Variants in LRRC49 observed in about 807,000 individuals in gnomAD.
LRRC49 encodes the protein leucine rich repeat containing 49.
Under a neutral mutation model 83.3 loss-of-function variants are expected in LRRC49, and 50 were observed. The ratio of observed to expected loss-of-function variants is 0.60; its 90% CI spans 0.48 to 0.76. The LOEUF (loss-of-function observed/expected upper bound fraction) is 0.76. Ranked by LOEUF, LRRC49 falls within the 30% of genes least tolerant of loss-of-function variation. The probability of loss-of-function intolerance (pLI) is 0.00; values close to 1 mark genes in which losing one functional copy is unlikely to be tolerated. For synonymous variants in LRRC49, 286 were observed against 283.3 expected (o/e 1.01, Z -0.10); for missense variants, 704 against 809.1 (o/e 0.87, Z 1.58).
intron 8 of LRRC49, among the ~76,000 whole-genome samples, chr15:70,953,500 T>G (rs1230612598): frequency 6.6e-6 from 1 of 152,238 alleles, no homozygotes; most frequent in Non-Finnish European, 1.5e-5. Flanking sequence ...AAAGGTCCAT[T>G]GTTAACCTGA....
At chr15:71,039,868 T>G (rs2039644597) in intron 15 of LRRC49, among the ~76,000 whole-genome samples, 1 of 152,216 alleles carries the variant, frequency 6.6e-6, no homozygotes, top group African/African-American at 2.4e-5. Flanking sequence ...TTCTAATGAT[T>G]TTAAAATTGT....
intron 7 of LRRC49, among the ~76,000 whole-genome samples, chr15:70,922,436 A>T (rs903691015): frequency 1.3e-5 from 2 of 152,154 alleles, no homozygotes; most frequent in Non-Finnish European, 2.9e-5. Context: ...AAAAACACAT[A>T]TCGCATGTTC....
chr15:70,860,219 A>G lies in LRRC49; in HGVS notation c.-299+6750A>G, dbSNP rs1040468624. On this transcript the variant is annotated intron_variant, in intron 1 of 16. Coordinates refer to the LRRC49 transcript ENST00000544974. ...TCCTGCGGCTGCCCCAGGGCCCTGG[A>G]GGAGGCCGCTGTGCATGGTATCACA... is the stretch of plus-strand genomic sequence containing the variant. 3.4e-4 allele frequency: 215 copies of G among 634,964 alleles called. No homozygotes were observed. In the African/African-American group the frequency reaches 3.6e-3, roughly 10 times the overall value. 39.3% of individuals were successfully genotyped at this position (634,964 alleles called of 1,614,324 possible). A position where few individuals can be genotyped will look rare whatever the true frequency, so the allele number is the denominator to read the frequency against.
chr15:70,905,192 A>AACATTACATCCTATATGAACT (rs1231308199), intron 5 of LRRC49, among the ~76,000 whole-genome samples: 2 of 152,224 alleles, frequency 1.3e-5, no homozygotes, highest in African/African-American at 2.4e-5. Context: ...GTTTGTATCT[A>AACATTACATCCTATATGAACT]ACATTACATC....
At position 70,954,317 on chromosome 15, in the gene LRRC49, T is replaced by C. The variant is rs79153490; in HGVS notation, c.774-9468T>C. On this transcript the variant is annotated intron_variant, in intron 8 of 15. Coordinates refer to ENST00000260382, the MANE Select transcript of LRRC49 (RefSeq NM_017691.5). ...TTTGGTCTTTTTTTAAATGGTTATG[T>C]CATCTTTCAACTGTTGGGTTGTTTT... 5.4e-3 allele frequency among the ~76,000 whole-genome samples: 824 copies of C among 152,344 alleles called. 9 individuals are homozygous for C. Among genetic ancestry groups the C allele is most frequent in the African/African-American group, 0.019 (794 of 41,578 alleles).
chr15:71,049,586 C>T lies in LRRC49; in HGVS notation c.2035C>T (p.Leu679=). The T allele has an allele frequency of 6.2e-7, 1 of 1,611,994 alleles. No individual in the cohort carries two copies. Among genetic ancestry groups the T allele is most frequent in the Non-Finnish European group, 8.5e-7 (1 of 1,179,390 alleles). Residue 679 remains leucine (L), a synonymous_variant, in exon 16 of 16, where the codon CTA becomes TTA. Transcript: ENST00000260382. ...RNKNSYMKLC[L]QQITDQK is the part of the protein sequence containing the mutation. ...TAAAAATTCCTATATGAAGCTCTGCCTACAGCAGATAACAGACCAAAAATA... is the reference window on the plus strand; with the variant it reads ...TAAAAATTCCTATATGAAGCTCTGCTTACAGCAGATAACAGACCAAAAATA...
chr15:70,871,403 T>TC (rs891953444), intron 1 of LRRC49, among the ~76,000 whole-genome samples: 1 of 151,810 alleles, frequency 6.6e-6, no homozygotes, highest in Non-Finnish European at 1.5e-5. Flanking sequence ...TCCCCACATT[T>TC]CCCCCCTCTC....
intron 1 of LRRC49, among the ~76,000 whole-genome samples, chr15:70,857,051 G>T (rs1367723545): frequency 1.3e-5 from 2 of 152,110 alleles, no homozygotes; most frequent in Non-Finnish European, 2.9e-5. Context: ...ACCTCAGCCT[G>T]GAGTTGGCAT....
At chr15:70,934,074 C>G (rs777120451) in intron 7 of LRRC49, among the ~76,000 whole-genome samples, 1 of 152,160 alleles carries the variant, frequency 6.6e-6, no homozygotes, top group Non-Finnish European at 1.5e-5. Flanking sequence ...CCCTGCTATA[C>G]AGATTTCATC....
intron 9 of LRRC49, among the ~76,000 whole-genome samples, chr15:70,971,184 T>C (rs2036983408): frequency 6.6e-6 from 1 of 152,202 alleles, no homozygotes; most frequent in African/African-American, 2.4e-5. Flanking sequence ...ATTGTGTCTT[T>C]TTTCTCATTG....
intron 6 of LRRC49, among the ~76,000 whole-genome samples, chr15:70,916,312 TG>T (rs934066942): frequency 3.3e-5 from 5 of 152,094 alleles, no homozygotes; most frequent in African/African-American, 9.7e-5. Flanking sequence ...TTATTATTTT[TG>T]AGGTGGAGTT....
At chr15:70,893,214 G>A (rs1015183603) in intron 1 of LRRC49, 2 of 579,094 alleles carry the variant, frequency 3.5e-6, no homozygotes. Flanking sequence ...CCTTTGGCCA[G>A]TCAATTCCTT....
Position 71,050,660 on chromosome 15 carries a change from AAGACATGCAG to A in LRRC49, c.*1064_*1073del, listed in dbSNP as rs1357495755. The stretch of plus-strand genomic sequence containing the variant: ...CAGGACTAGAAGATGTACGACAGCA[AAGACATGCAG>A]AGACATGCAGAGACACCTGGAAGGA... On this transcript the variant is annotated 3_prime_UTR_variant, in exon 16 of 16. Coordinates refer to ENST00000260382, the MANE Select transcript of LRRC49 (RefSeq NM_017691.5). 3 of 152,182 alleles carry A rather than the reference AAGACATGCAG, an allele frequency of 2.0e-5. No individual in the cohort carries two copies. The highest frequency in any genetic ancestry group is 4.8e-5 in the African/African-American group (2 of 41,440). The allele number at this position is 152,182 out of a possible 1,614,324, so 9.4% of individuals were successfully genotyped here. A position where few individuals can be genotyped will look rare whatever the true frequency, so the allele number is the denominator to read the frequency against.
In LRRC49 at chr15:70,858,568, C is replaced by T. The variant is rs1335535634; in HGVS notation, c.-299+5099C>T. The T allele has an allele frequency of 1.3e-5, 6 of 448,958 alleles. No individual in the cohort carries two copies. In the East Asian group the frequency reaches 2.1e-4, roughly 15 times the overall value. The allele number at this position is 448,958 out of a possible 1,614,324, so 27.8% of individuals were successfully genotyped here. A position where few individuals can be genotyped will look rare whatever the true frequency, so the allele number is the denominator to read the frequency against. ...GCAGTGAGCCGAGATTGTGCCATTG[C>T]ACTCCTGCCTGGGCGACAGAGCGAG... On this transcript the variant is annotated intron_variant, in intron 1 of 16. Transcript: ENST00000544974.
At chr15:70,916,463 T>G (rs2034778991) in intron 6 of LRRC49, among the ~76,000 whole-genome samples, 1 of 152,036 alleles carries the variant, frequency 6.6e-6, no homozygotes, top group South Asian at 2.1e-4. Flanking sequence ...CCTGGCTAGT[T>G]TTTGTATTTT....
intron 11 of LRRC49, among the ~76,000 whole-genome samples, chr15:70,996,848 G>A (rs183456555): frequency 6.6e-6 from 1 of 152,196 alleles, no homozygotes. Flanking sequence ...TCTTTTTCCA[G>A]TGTTTGTTTA....
rs35998597 is a variant in LRRC49 at position 71,002,939 on chromosome 15, CTTTTTTTTTTT to C, written c.1170-5424_1170-5414del. Among the ~76,000 whole-genome samples, 31 of 43,036 alleles carry C rather than the reference CTTTTTTTTTTT, an allele frequency of 7.2e-4. 2 individuals carry two copies. Among genetic ancestry groups the C allele is most frequent in the African/African-American group, 2.3e-3 (22 of 9,734 alleles). The allele number at this position is 43,036 out of a possible 152,430, so 28.2% of individuals were successfully genotyped here. On this transcript the variant is annotated intron_variant, in intron 11 of 15. Transcript: ENST00000260382. Reference sequence around the variant, plus strand: ...GAAAAGGCATAGGATATTTTCTGGCCTTTTTTTTTTTTTTTTTTTTTTTTTTGAGACAGAGT... The same window carrying C: ...GAAAAGGCATAGGATATTTTCTGGCCTTTTTTTTTTTTTTTGAGACAGAGT...
intron 15 of LRRC49, among the ~76,000 whole-genome samples, chr15:71,042,475 T>G (rs191967606): frequency 3.1e-3 from 477 of 152,304 alleles, no homozygotes; most frequent in Non-Finnish European, 4.8e-3. Context: ...AGATGTGGAT[T>G]TGAGCCCCTG....
chr15:70,959,214 TG>T (rs1421385061), intron 8 of LRRC49, among the ~76,000 whole-genome samples: 3 of 152,162 alleles, frequency 2.0e-5, no homozygotes, highest in African/African-American at 7.2e-5. Context: ...AAATCCCGGC[TG>T]GATGCGGTGG....
Sources: allele counts gnomAD v4.1 joint callset (sites outside exome capture counted in the v4.1 genomes callset), GRCh38; gene constraint gnomAD v4.1.1; transcripts MANE v1.5; gene names NCBI Gene and HGNC (gene_info 2026-07-23, HGNC 2026-07-21).